Variants in TDRD3 observed in about 807,000 individuals in gnomAD.
TDRD3 encodes tudor domain containing 3.
TDRD3 carries 45 observed loss-of-function variants against 86.7 expected under a neutral mutation model. That is an observed-to-expected ratio of 0.52 (90% confidence interval 0.41 to 0.67). The LOEUF is 0.67. Among genes scored for constraint, TDRD3 ranks in the 30% least tolerant of loss-of-function variants. The pLI, the probability that TDRD3 is intolerant of heterozygous loss-of-function variation, is 0.00. For synonymous variants in TDRD3, 298 were observed against 301.7 expected, an observed-to-expected ratio of 0.99 and a Z score of 0.13; for missense variants, 814 against 889.0, an observed-to-expected ratio of 0.92 and a Z score of 1.07.
intron 1 of TDRD3, among the ~76,000 whole-genome samples, chr13:60,419,380 G>T (rs1312430898): frequency 6.6e-6 from 1 of 152,110 alleles, no homozygotes; most frequent in Non-Finnish European, 1.5e-5. Context: ...TAAGAATTTG[G>T]ATTGTTGTAC....
At chr13:60,502,956 G>C (rs1349069086) in intron 8 of TDRD3, among the ~76,000 whole-genome samples, 1 of 152,166 alleles carries the variant, frequency 6.6e-6, no homozygotes, top group African/African-American at 2.4e-5. Context: ...CTCAGAGATA[G>C]TTTTGAAATT....
chr13:60,435,909 A>T (rs1388335333), intron 1 of TDRD3, among the ~76,000 whole-genome samples: 1 of 109,700 alleles, frequency 9.1e-6, no homozygotes, highest in Non-Finnish European at 2.3e-5. Context: ...CATCATGACA[A>T]CATCTATGGT....
At chr13:60,425,185 TA>T (rs1242651768) in intron 1 of TDRD3, among the ~76,000 whole-genome samples, 3 of 152,048 alleles carry the variant, frequency 2.0e-5, no homozygotes, top group African/African-American at 7.2e-5. Context: ...ATAATTTGAT[TA>T]AAAAATGGGC....
intron 3 of TDRD3, among the ~76,000 whole-genome samples, chr13:60,455,774 A>G (rs1319003645): frequency 6.6e-6 from 1 of 152,024 alleles, no homozygotes. Context: ...AATTAATAAG[A>G]TTACAAAAAC....
rs929792637 is a variant in TDRD3 at position 60,446,217 on chromosome 13, A to G, written c.192+1469A>G. 1.1e-4 allele frequency among the ~76,000 whole-genome samples: 16 copies of G among 152,014 alleles called. No homozygotes were observed. The South Asian group carries it at 2.1e-3, about 20-fold the overall frequency. On this transcript the variant is annotated intron_variant, in intron 3 of 13. Transcript: ENST00000377881. ...AAACTAATAGTTTTCTAGAATTATT[A>G]TTCACAGAATTATTATTTTTTCTGA... is the stretch of plus-strand genomic sequence containing the variant.
At chr13:60,417,492 C>T (rs1006816926) in intron 1 of TDRD3, among the ~76,000 whole-genome samples, 4 of 151,832 alleles carry the variant, frequency 2.6e-5, no homozygotes, top group African/African-American at 7.3e-5. Context: ...CAGGCTCCTG[C>T]CACCATGCCC....
At chr13:60,472,875 G>A (rs561344991) in intron 5 of TDRD3, among the ~76,000 whole-genome samples, 1 of 152,134 alleles carries the variant, frequency 6.6e-6, no homozygotes, top group South Asian at 2.1e-4. Context: ...GAGAGAATGG[G>A]GGAGTTATTG....
At chr13:60,491,381 T>C (rs1376975873) in intron 7 of TDRD3, among the ~76,000 whole-genome samples, 3 of 152,110 alleles carry the variant, frequency 2.0e-5, no homozygotes, top group South Asian at 4.1e-4. Flanking sequence ...ATGGATGGTA[T>C]TGAAAATTAT....
At chr13:60,514,386 C>T (rs569165917) in intron 10 of TDRD3, among the ~76,000 whole-genome samples, 3 of 152,322 alleles carry the variant, frequency 2.0e-5, no homozygotes, top group African/African-American at 7.2e-5. Context: ...GGGACACCTG[C>T]TCCTTGGATG....
intron 4 of TDRD3, among the ~76,000 whole-genome samples, 184 bp from the exon 5 acceptor site, chr13:60,467,054 G>T (rs1218901465): frequency 6.6e-6 from 1 of 151,992 alleles, no homozygotes; most frequent in Non-Finnish European, 1.5e-5. Context: ...ATGTGCCATG[G>T]TGGTTTTCTG....
intron 12 of TDRD3, among the ~76,000 whole-genome samples, chr13:60,557,820 ATT>A (rs749028045): frequency 3.4e-5 from 3 of 88,280 alleles, no homozygotes; most frequent in Admixed American, 1.5e-4. Flanking sequence ...TTTTTTCCTG[ATT>A]TTTTTTTTTT....
chr13:60,529,975 G>A (rs150999918), intron 11 of TDRD3, among the ~76,000 whole-genome samples: 10 of 152,164 alleles, frequency 6.6e-5, no homozygotes, highest in Middle Eastern at 3.4e-3. Flanking sequence ...TTTTCCTTCT[G>A]CCCAACATGC....
intron 11 of TDRD3, among the ~76,000 whole-genome samples, chr13:60,529,780 A>T (rs1957538262): frequency 6.6e-6 from 1 of 152,112 alleles, no homozygotes; most frequent in Admixed American, 6.5e-5. Context: ...TTTATATTAT[A>T]TGGTGGCTAA....
chr13:60,525,098 A>C (rs1162161762), intron 10 of TDRD3, among the ~76,000 whole-genome samples: 1 of 149,514 alleles, frequency 6.7e-6, no homozygotes, highest in South Asian at 2.1e-4. Flanking sequence ...AAAAAAAAAA[A>C]AAAAAAAAAA....
At chr13:60,414,961 G>A (rs1367549338) in intron 1 of TDRD3, among the ~76,000 whole-genome samples, 2 of 151,788 alleles carry the variant, frequency 1.3e-5, no homozygotes, top group Non-Finnish European at 2.9e-5. Flanking sequence ...TGAATATGAG[G>A]TTGAAAAACC....
intron 3 of TDRD3, among the ~76,000 whole-genome samples, chr13:60,460,046 G>C (rs1955771678): frequency 6.6e-6 from 1 of 152,172 alleles, no homozygotes; most frequent in Non-Finnish European, 1.5e-5. Context: ...GTATGATTTA[G>C]AGTGCATAAG....
At chr13:60,437,518 G>A (rs1226308895) in intron 1 of TDRD3, among the ~76,000 whole-genome samples, 1 of 151,622 alleles carries the variant, frequency 6.6e-6, no homozygotes, top group Non-Finnish European at 1.5e-5. Flanking sequence ...TGTATTTTTG[G>A]GGCAAGTTTA....
intron 12 of TDRD3, among the ~76,000 whole-genome samples, chr13:60,553,266 A>G (rs1037398715): frequency 6.6e-6 from 1 of 152,212 alleles, no homozygotes; most frequent in African/African-American, 2.4e-5. Flanking sequence ...TTTGCTGCTT[A>G]GAAATTTCTT....
At chr13:60,554,489 T>C (rs1309534574) in intron 12 of TDRD3, among the ~76,000 whole-genome samples, 7 of 152,194 alleles carry the variant, frequency 4.6e-5, no homozygotes, top group Non-Finnish European at 8.8e-5. Context: ...CCGGAGGATC[T>C]ATTTGCTCTA....
Sources: allele counts gnomAD v4.1 joint callset (sites outside exome capture counted in the v4.1 genomes callset), GRCh38; gene constraint gnomAD v4.1.1; transcripts MANE v1.5; gene names NCBI Gene and HGNC (gene_info 2026-07-23, HGNC 2026-07-21).